SLC16A10: variants seen among roughly 807,000 people sequenced by gnomAD.
SLC16A10 encodes solute carrier family 16 member 10.
SLC16A10 carries 27 observed loss-of-function variants against 40.0 expected under a neutral mutation model. The ratio of observed to expected loss-of-function variants is 0.67; its 90% confidence interval spans 0.50 to 0.93. SLC16A10 has a LOEUF of 0.93. Among genes scored for constraint, SLC16A10 ranks in the 40% least tolerant of loss-of-function variants. The probability of loss-of-function intolerance (pLI) is 0.00; values close to 1 mark genes in which losing one functional copy is unlikely to be tolerated. For missense variants in SLC16A10, 529 were observed against 658.2 expected, an observed-to-expected ratio of 0.80 and a Z score of 2.15; for synonymous variants, 213 against 249.8, an observed-to-expected ratio of 0.85 and a Z score of 1.39.
Position 111,228,470 on chromosome 6 carries a change from T to C in SLC16A10, c.*6235T>C, listed in dbSNP as rs769227685. ...AGAGTATTTTGGAGTTCAATGTCCC[T>C]AAACATGTATGCGATAGGAACTACC... On this transcript the variant is annotated 3_prime_UTR_variant, in exon 6 of 6. Transcript: ENST00000368851. The C allele has an allele frequency of 2.0e-5, 3 of 152,204 alleles. No individual in the cohort carries two copies. Among genetic ancestry groups the C allele is most frequent in the Non-Finnish European group, 4.4e-5 (3 of 68,036 alleles). The allele number at this position is 152,204 out of a possible 1,614,324, so 9.4% of individuals were successfully genotyped here. A position where few individuals can be genotyped will look rare whatever the true frequency, so the allele number is the denominator to read the frequency against.
intron 1 of SLC16A10, among the ~76,000 whole-genome samples, chr6:111,089,926 T>G (rs1245670622): frequency 1.7e-5 from 2 of 115,232 alleles, no homozygotes; most frequent in African/African-American, 7.0e-5. Flanking sequence ...TTTTTTTTTT[T>G]TTTTTTTTTT....
At chr6:111,198,525 G>A (rs1773116520) in intron 3 of SLC16A10, among the ~76,000 whole-genome samples, 1 of 152,154 alleles carries the variant, frequency 6.6e-6, no homozygotes, top group Admixed American at 6.5e-5. Flanking sequence ...AGGCTATATG[G>A]CATAGGTAGA....
intron 3 of SLC16A10, chr6:111,178,331 A>G (rs544763288): frequency 1.9e-6 from 1 of 524,262 alleles, no homozygotes; most frequent in Admixed American, 2.0e-5. Flanking sequence ...GAGGAAAGAG[A>G]ACTATGGTTT....
intron 1 of SLC16A10, among the ~76,000 whole-genome samples, chr6:111,146,573 A>G (rs1385954953): frequency 6.6e-6 from 1 of 151,680 alleles, no homozygotes; most frequent in African/African-American, 2.4e-5. Flanking sequence ...CATCTCTACT[A>G]AAAATACAAA....
intron 1 of SLC16A10, among the ~76,000 whole-genome samples, chr6:111,168,117 T>G (rs903863548): frequency 3.3e-5 from 5 of 152,050 alleles, no homozygotes; most frequent in Admixed American, 1.3e-4. Context: ...ATAGCTGGGA[T>G]TACAGGCACC....
At chr6:111,147,022 A>T (rs1338885839) in intron 1 of SLC16A10, among the ~76,000 whole-genome samples, 1 of 152,220 alleles carries the variant, frequency 6.6e-6, no homozygotes, top group East Asian at 1.9e-4. Flanking sequence ...GACAGAAAGT[A>T]GATTAGTAGT....
At chr6:111,168,424 A>G (rs1246885762) in intron 1 of SLC16A10, among the ~76,000 whole-genome samples, 2 of 152,252 alleles carry the variant, frequency 1.3e-5, no homozygotes, top group Non-Finnish European at 2.9e-5. Flanking sequence ...TCTGAGCACA[A>G]CAAATATATT....
At chr6:111,096,654 T>C (rs562428766) in intron 1 of SLC16A10, among the ~76,000 whole-genome samples, 53 of 152,330 alleles carry the variant, frequency 3.5e-4, no homozygotes, top group African/African-American at 1.2e-3. Flanking sequence ...AAAAAGTCGA[T>C]GAAGAAATGG....
chr6:111,222,191 A>G lies in SLC16A10; in HGVS notation c.1504A>G (p.Ser502Gly). Residue 502 changes from serine (S) to glycine (G), a missense_variant, in exon 6 of 6, where the codon AGT becomes GGT. Transcript: ENST00000368851. ...GGAAAACCAGAACTCTCTGCTGTCA[A>G]GTTCATCTGGAATGTTCAAGAAAGA... ...MLENQNSLLS[S>G]SSGMFKKESD... The G allele has an allele frequency of 6.2e-7, 1 of 1,607,472 alleles. No homozygotes were observed. Among genetic ancestry groups the G allele is most frequent in the Non-Finnish European group, 8.5e-7 (1 of 1,178,058 alleles).
At chr6:111,194,054 C>T (rs959248670) in intron 3 of SLC16A10, among the ~76,000 whole-genome samples, 10 of 152,194 alleles carry the variant, frequency 6.6e-5, no homozygotes, top group Admixed American at 6.5e-4. Context: ...CTTCATTGCT[C>T]TAGCCCCAGC....
intron 1 of SLC16A10, among the ~76,000 whole-genome samples, chr6:111,160,905 T>C (rs371341385): frequency 2.6e-4 from 40 of 152,086 alleles, no homozygotes; most frequent in Non-Finnish European, 5.3e-4. Flanking sequence ...GTGGGCGCGA[T>C]AGTGTAGAAA....
chr6:111,132,529 A>C (rs1042698452), intron 1 of SLC16A10, among the ~76,000 whole-genome samples: 1 of 152,356 alleles, frequency 6.6e-6, no homozygotes, highest in East Asian at 1.9e-4. Flanking sequence ...GCTTTGCTAA[A>C]AGTAGAAAAA....
rs760566356 is a variant in SLC16A10 at position 111,172,804 on chromosome 6, T to G, written c.453T>G (p.Val151=). The change falls in exon 2 of 6, where the codon GTT becomes GTG. Residue 151 remains valine, a synonymous_variant. Coordinates refer to ENST00000368851, the MANE Select transcript of SLC16A10 (RefSeq NM_018593.5). ...CRKTAVVGAA[V]GFVGLMSSSF... ...AAACAGCTGTCGTGGGTGCTGCTGT[T>G]GGATTTGTTGGGCTCATGTCCAGTT... 6.8e-6 allele frequency: 11 copies of G among 1,614,040 alleles called. No individual in the cohort carries two copies. In the African/African-American group the frequency reaches 1.5e-4, roughly 22 times the overall value.
chr6:111,190,120 C>A (rs1029035334), intron 3 of SLC16A10, among the ~76,000 whole-genome samples: 2 of 152,166 alleles, frequency 1.3e-5, no homozygotes, highest in African/African-American at 4.8e-5. Flanking sequence ...TAAATACACC[C>A]ATTCCAAATG....
At chr6:111,125,120 GTTTA>G (rs1246910787) in intron 1 of SLC16A10, among the ~76,000 whole-genome samples, 2 of 152,116 alleles carry the variant, frequency 1.3e-5, no homozygotes, top group Non-Finnish European at 2.9e-5. Flanking sequence ...CTGAATTAGT[GTTTA>G]TTTTTGTTTC....
intron 1 of SLC16A10, among the ~76,000 whole-genome samples, chr6:111,096,461 C>T (rs928267556): frequency 1.3e-5 from 2 of 151,406 alleles, no homozygotes; most frequent in Non-Finnish European, 2.9e-5. Context: ...GAACAGGAAA[C>T]TCCAGCACAC....
chr6:111,092,312 G>GTTT (rs1453610927), intron 1 of SLC16A10, among the ~76,000 whole-genome samples: 1 of 101,766 alleles, frequency 9.8e-6, no homozygotes, highest in African/African-American at 4.5e-5. Context: ...CTCTTTTTTT[G>GTTT]TTGTTTTTTT....
chr6:111,099,954 CA>C (rs1339322133), intron 1 of SLC16A10, among the ~76,000 whole-genome samples: 2 of 144,042 alleles, frequency 1.4e-5, no homozygotes, highest in Non-Finnish European at 3.0e-5. Context: ...CTCTAGAGGT[CA>C]AGGGTGCAAT....
intron 3 of SLC16A10, chr6:111,178,541 T>A: frequency 2.5e-6 from 1 of 400,280 alleles, no homozygotes. Context: ...GGAGACTTCA[T>A]CCCTACCTGG....
Sources: allele counts gnomAD v4.1 joint callset (sites outside exome capture counted in the v4.1 genomes callset), GRCh38; gene constraint gnomAD v4.1.1; transcripts MANE v1.5; gene names NCBI Gene and HGNC (gene_info 2026-07-23, HGNC 2026-07-21).